NAV2: variants seen among roughly 807,000 people sequenced by gnomAD.
The protein encoded by NAV2 is neuron navigator 2.
Under a neutral mutation model 223.2 loss-of-function variants are expected in NAV2, and 54 were observed. The ratio of observed to expected loss-of-function variants is 0.24; its 90% confidence interval spans 0.19 to 0.30. The LOEUF (loss-of-function observed/expected upper bound fraction) is 0.30, where lower values mean the gene tolerates loss of function less well. Ranked by LOEUF, NAV2 falls within the 10% of genes least tolerant of loss-of-function variation. The pLI, the probability that NAV2 is intolerant of heterozygous loss-of-function variation, is 1.00. For missense variants in NAV2, 2,806 were observed against 3,147.5 expected (o/e 0.89, Z 2.60); for synonymous variants, 1,279 against 1,239.3 (o/e 1.03, Z -0.67).
chr11:19,407,824 T>C (rs1849966197), intron 1 of NAV2, among the ~76,000 whole-genome samples: 1 of 152,140 alleles, frequency 6.6e-6, no homozygotes, highest in African/African-American at 2.4e-5. Context: ...GGTGCTCCCG[T>C]TCTCCGGCTG....
intron 1 of NAV2, among the ~76,000 whole-genome samples, chr11:19,775,377 C>G (rs1028813089): frequency 6.6e-6 from 1 of 152,094 alleles, no homozygotes; most frequent in Non-Finnish European, 1.5e-5. Flanking sequence ...AGTTAGGGCC[C>G]GAGGCAGGAT....
chr11:20,084,896 GGGGTTAACCAAGCCA>G (rs1430345193), intron 26 of NAV2, among the ~76,000 whole-genome samples: 3 of 152,170 alleles, frequency 2.0e-5, no homozygotes, highest in Non-Finnish European at 4.4e-5. Flanking sequence ...AGACCAAAAA[GGGGTTAACCAAGCCA>G]GGTGCAGTTA....
chr11:19,952,829 G>C (rs1396672276), intron 10 of NAV2, among the ~76,000 whole-genome samples: 1 of 152,082 alleles, frequency 6.6e-6, no homozygotes, highest in Non-Finnish European at 1.5e-5. Context: ...ATGTAGTTTA[G>C]CTAAGAATTA....
At chr11:19,544,315 T>A (rs1257321440) in intron 1 of NAV2, among the ~76,000 whole-genome samples, 1 of 152,160 alleles carries the variant, frequency 6.6e-6, no homozygotes, top group Non-Finnish European at 1.5e-5. Flanking sequence ...CAGAATGGGA[T>A]CCGTGCTGTA....
chr11:19,417,431 AG>A (rs1418693095), intron 1 of NAV2, among the ~76,000 whole-genome samples: 1 of 152,222 alleles, frequency 6.6e-6, no homozygotes, highest in Non-Finnish European at 1.5e-5. Flanking sequence ...TGATCATTAA[AG>A]AGTCAGGAAA....
intron 1 of NAV2, among the ~76,000 whole-genome samples, chr11:19,787,403 A>G (rs2057212990): frequency 6.7e-6 from 1 of 149,932 alleles, no homozygotes; most frequent in East Asian, 2.0e-4. Context: ...GACGTGAACC[A>G]CTGCACCCGG....
intron 1 of NAV2, among the ~76,000 whole-genome samples, chr11:19,800,672 GGTGT>G (rs142402876): frequency 0.018 from 2,569 of 145,908 alleles, 58 homozygotes; most frequent in East Asian, 0.12. Context: ...AAGGAGAATG[GGTGT>G]GTGTGTGTGT....
At chr11:19,867,302 C>A (rs1486635606) in intron 3 of NAV2, among the ~76,000 whole-genome samples, 1 of 152,192 alleles carries the variant, frequency 6.6e-6, no homozygotes, top group Non-Finnish European at 1.5e-5. Flanking sequence ...TAAATGCAGG[C>A]TCCTGTGTAT....
At chr11:19,947,408 C>G (rs970091232) in intron 9 of NAV2, among the ~76,000 whole-genome samples, 7 of 152,190 alleles carry the variant, frequency 4.6e-5, no homozygotes, top group Non-Finnish European at 1.0e-4. Context: ...GGGGGTGGTA[C>G]CCTCTTAAAC....
At chr11:19,748,033 C>A (rs2053521457) in intron 1 of NAV2, among the ~76,000 whole-genome samples, 1 of 152,106 alleles carries the variant, frequency 6.6e-6, no homozygotes, top group South Asian at 2.1e-4. Flanking sequence ...ATATGCTGGG[C>A]ATGTAGTGAG....
intron 11 of NAV2, among the ~76,000 whole-genome samples, chr11:20,017,412 CTCATCTT>C (rs2054105989): frequency 6.6e-6 from 1 of 152,040 alleles, no homozygotes; most frequent in African/African-American, 2.4e-5. Flanking sequence ...TTGGTGCCCT[CTCATCTT>C]TCATGTCTTC....
chr11:19,645,880 G>C (rs1024692619), intron 1 of NAV2, among the ~76,000 whole-genome samples: 1 of 152,136 alleles, frequency 6.6e-6, no homozygotes, highest in Non-Finnish European at 1.5e-5. Context: ...AGCCCAGAGA[G>C]GTTAAGTGAC....
chr11:19,713,748 T>A lies in NAV2; in HGVS notation c.53T>A (p.Val18Glu). The change falls in exon 1 of 38, where the codon GTG becomes GAG. Residue 18 changes from valine (V) to glutamate (E), a missense_variant. Val to Glu is a moderately radical substitution (Grantham distance 121). Transcript: ENST00000349880. This position sits in a 1 kb window ranked among gnomAD's most constrained non-coding sequence, Gnocchi z 7.2. ...SKMKSGLPKP[V>E]HSAAPILHVP... ...ATGAAGTCGGGACTGCCCAAACCCG[T>A]GCACAGCGCCGCGCCCATCCTGCAC... is the stretch of plus-strand genomic sequence containing the variant. The A allele has an allele frequency of 1.9e-6, 3 of 1,611,372 alleles. No individual in the cohort carries two copies. The highest frequency in any genetic ancestry group is 2.5e-6 in the Non-Finnish European group (3 of 1,178,864).
intron 30 of NAV2, among the ~76,000 whole-genome samples, chr11:20,096,878 T>C (rs2061311500): frequency 6.6e-6 from 1 of 152,178 alleles, no homozygotes; most frequent in South Asian, 2.1e-4. Flanking sequence ...TGATGGACAG[T>C]TGGGACATCC....
chr11:19,713,917 C>G lies in NAV2; in HGVS notation c.222C>G (p.Leu74=). 6.2e-7 allele frequency: 1 copy of G among 1,613,526 alleles called. No individual in the cohort carries two copies. The highest frequency in any genetic ancestry group is 8.5e-7 in the Non-Finnish European group (1 of 1,179,966). ...TGCAGGAGCCAGCGGGGGAGGGGCT[C>G]CCGCTGCGGAAGAGCGGCTCGGTGG... ...QGLQEPAGEG[L]PLRKSGSVEN... is the part of the protein sequence containing the mutation. Residue 74 remains leucine, a synonymous_variant, in exon 1 of 38, where the codon CTC becomes CTG. Transcript: ENST00000349880. The surrounding 1 kb of genome is among the most constrained non-coding windows in gnomAD (Gnocchi z 7.2).
At chr11:19,412,409 G>A (rs942910645) in intron 1 of NAV2, among the ~76,000 whole-genome samples, 5 of 151,938 alleles carry the variant, frequency 3.3e-5, no homozygotes, top group Admixed American at 6.6e-5. Context: ...TGAAAGAAAG[G>A]CAGCAACCCC....
At chr11:19,350,942 A>G in exon 1 of NAV2, 10 of 1,551,636 alleles carry the variant, frequency 6.4e-6, no homozygotes, top group South Asian at 1.2e-5. Flanking sequence ...AGAGGATTTT[A>G]TTTCTGGGAA....
chr11:20,053,218 GAAAAAAA>G (rs60421659), intron 17 of NAV2, among the ~76,000 whole-genome samples: 1 of 40,972 alleles, frequency 2.4e-5, no homozygotes, highest in African/African-American at 1.0e-4. Flanking sequence ...ACTACGTCTC[GAAAAAAA>G]AAAAAAAAAA....
chr11:19,475,879 C>G (rs1354124419), intron 1 of NAV2, among the ~76,000 whole-genome samples: 1 of 152,260 alleles, frequency 6.6e-6, no homozygotes. Context: ...GTAAGAGCCA[C>G]GAAGTGGCTG....
Sources: gnomAD v4.1 joint callset for allele counts (sites outside exome capture counted in the v4.1 genomes callset) on GRCh38, gnomAD v4.1.1 for gene constraint, Gnocchi (gnomAD v3.1) non-coding constraint, MANE v1.5 for transcripts, NCBI Gene and HGNC (gene_info 2026-07-23, HGNC 2026-07-21) for gene names.